The following TENM3 variants were observed in gnomAD, a reference collection of about 807,000 sequenced individuals.
TENM3 encodes teneurin-3.
Under a neutral mutation model 255.1 loss-of-function variants are expected in TENM3, and 63 were observed. The observed-to-expected ratio is 0.25, with a 90% CI of 0.20 to 0.30. The LOEUF is 0.30. Among genes scored for constraint, TENM3 ranks in the 10% least tolerant of loss-of-function variants. The pLI is 1.00. For synonymous variants in TENM3, 1,306 were observed against 1,322.3 expected, an observed-to-expected ratio of 0.99 and a Z score of 0.27; for missense variants, 2,929 against 3,461.1, an observed-to-expected ratio of 0.85 and a Z score of 3.86.
At chr4:181,839,384 T>TATATATAC in the TENM3 span, among the ~76,000 whole-genome samples, 1 of 83,496 alleles carries the variant, frequency 1.2e-5, no homozygotes, top group Non-Finnish European at 2.3e-5. Flanking sequence ...TATATATATA[T>TATATATAC]ACACCTATAT....
intron 3 of TENM3, among the ~76,000 whole-genome samples, chr4:182,447,349 G>A (rs182585363): frequency 5.8e-4 from 88 of 152,174 alleles, no homozygotes; most frequent in Non-Finnish European, 2.4e-4. Context: ...GAGGATGGAT[G>A]TCTTAGACGT....
chr4:182,306,112 A>G (rs373786201), intron 1 of TENM3, among the ~76,000 whole-genome samples: 4 of 152,286 alleles, frequency 2.6e-5, no homozygotes, highest in East Asian at 1.9e-4. Context: ...CATGCACCCA[A>G]GGAGAAGAAA....
the TENM3 span, among the ~76,000 whole-genome samples, chr4:182,116,871 A>G: frequency 2.0e-5 from 3 of 152,182 alleles, no homozygotes; most frequent in Non-Finnish European, 4.4e-5. Context: ...AGAAATGAAC[A>G]AACTGTTTTT....
chr4:182,386,918 AAGGGCTG>A (rs895823571), intron 3 of TENM3, among the ~76,000 whole-genome samples: 3 of 152,200 alleles, frequency 2.0e-5, no homozygotes, highest in African/African-American at 7.2e-5. Flanking sequence ...TCGACCGCCC[AAGGGCTG>A]AGGAGTGCGA....
At chr4:182,436,196 G>C (rs945938438) in intron 3 of TENM3, among the ~76,000 whole-genome samples, 2 of 152,114 alleles carry the variant, frequency 1.3e-5, no homozygotes, top group Admixed American at 1.3e-4. Flanking sequence ...AGGGAGTATG[G>C]GGAGTCATGT....
At position 182,743,270 on chromosome 4, in the gene TENM3, C is replaced by T. The variant is rs368452324; in HGVS notation, c.3480C>T (p.Cys1160=). 27 of 1,614,052 alleles carry T rather than the reference C, an allele frequency of 1.7e-5. No individual in the cohort carries two copies. The East Asian group carries it at 2.9e-4, about 17-fold the overall frequency. The change falls in exon 19 of 28, where the codon TGC becomes TGT. Residue 1160 remains cysteine, a synonymous_variant. Transcript: ENST00000511685. ...MGNGRRRSIS[C]PSCNGQADGN... ...ATGGGCGAAGGCGCAGCATTTCCTG[C>T]CCCAGTTGCAATGGTCAAGCTGATG... is the stretch of plus-strand genomic sequence containing the variant.
At chr4:181,925,868 G>A in the TENM3 span, among the ~76,000 whole-genome samples, 4 of 152,134 alleles carry the variant, frequency 2.6e-5, no homozygotes, top group African/African-American at 9.7e-5. Context: ...TTCAGAAGGT[G>A]GAATAGTGAA....
chr4:182,660,095 T>C (rs1754101110), intron 6 of TENM3, among the ~76,000 whole-genome samples: 1 of 152,228 alleles, frequency 6.6e-6, no homozygotes, highest in African/African-American at 2.4e-5. Flanking sequence ...TACAATGGTG[T>C]ATAGTACATA....
chr4:181,708,180 G>A, the TENM3 span, among the ~76,000 whole-genome samples: 2 of 152,082 alleles, frequency 1.3e-5, no homozygotes, highest in African/African-American at 4.8e-5. Flanking sequence ...AAATATTCTT[G>A]TCTAATTATA....
intron 3 of TENM3, among the ~76,000 whole-genome samples, chr4:182,483,844 A>T (rs544259096): frequency 3.9e-5 from 6 of 152,258 alleles, no homozygotes; most frequent in African/African-American, 1.4e-4. Flanking sequence ...CAGGAGGAAG[A>T]GAGTGAAGGG....
the TENM3 span, among the ~76,000 whole-genome samples, chr4:181,803,035 A>G: frequency 1.7e-4 from 26 of 152,294 alleles, no homozygotes; most frequent in Admixed American, 3.3e-4. Flanking sequence ...GGGATTAAGA[A>G]TGGTATATCC....
intron 3 of TENM3, among the ~76,000 whole-genome samples, chr4:182,398,875 A>G (rs1043317660): frequency 1.3e-5 from 2 of 152,188 alleles, no homozygotes; most frequent in African/African-American, 2.4e-5. Context: ...CTGAACTGTG[A>G]TTTGGGAGTT....
the TENM3 span, among the ~76,000 whole-genome samples, chr4:181,734,706 T>A: frequency 6.6e-6 from 1 of 152,210 alleles, no homozygotes; most frequent in Non-Finnish European, 1.5e-5. Flanking sequence ...TTCTCTGCTA[T>A]TTTATTCCTT....
intron 3 of TENM3, among the ~76,000 whole-genome samples, chr4:182,364,558 G>A (rs531823140): frequency 2.3e-3 from 349 of 151,892 alleles, no homozygotes; most frequent in Non-Finnish European, 4.2e-3. Context: ...CTGGGACTAC[G>A]GGCGCCCACC....
intron 14 of TENM3, among the ~76,000 whole-genome samples, chr4:182,729,808 T>C (rs1760545392): frequency 6.6e-6 from 1 of 152,214 alleles, no homozygotes; most frequent in Admixed American, 6.5e-5. Flanking sequence ...TTAAATCTTA[T>C]ACTTCTTGGT....
At chr4:182,388,289 G>C (rs1046398084) in intron 3 of TENM3, among the ~76,000 whole-genome samples, 4 of 152,032 alleles carry the variant, frequency 2.6e-5, no homozygotes, top group Non-Finnish European at 5.9e-5. Flanking sequence ...GCCTCATCAA[G>C]ACTTCTTCAG....
At chr4:181,845,904 C>A in the TENM3 span, among the ~76,000 whole-genome samples, 1 of 152,144 alleles carries the variant, frequency 6.6e-6, no homozygotes, top group Non-Finnish European at 1.5e-5. Flanking sequence ...TGGCTTGAGC[C>A]TCTTATTCTT....
At chr4:182,760,466 T>C (rs567372913) in intron 22 of TENM3, among the ~76,000 whole-genome samples, 162 of 152,284 alleles carry the variant, frequency 1.1e-3, no homozygotes, top group African/African-American at 3.5e-3. Flanking sequence ...ATCTAGAGGC[T>C]CTTCTGTCTG....
intron 3 of TENM3, among the ~76,000 whole-genome samples, chr4:182,450,098 G>A (rs1439660121): frequency 6.6e-6 from 1 of 152,192 alleles, no homozygotes; most frequent in Non-Finnish European, 1.5e-5. Context: ...AGATGGTGTA[G>A]TTGAAGATTT....
Sources: gnomAD v4.1 joint callset for allele counts (sites outside exome capture counted in the v4.1 genomes callset) on GRCh38, gnomAD v4.1.1 for gene constraint, MANE v1.5 for transcripts, NCBI Gene and HGNC (gene_info 2026-07-23, HGNC 2026-07-21) for gene names.